FNBP1: variants seen among roughly 807,000 people sequenced by gnomAD.
The protein encoded by FNBP1 is formin binding protein 1.
Under a neutral mutation model 90.6 loss-of-function variants are expected in FNBP1, and 26 were observed. That is an observed-to-expected ratio of 0.29 (90% confidence interval 0.21 to 0.40). The LOEUF is 0.40. Ranked by LOEUF, FNBP1 falls within the 10% of genes least tolerant of loss-of-function variation. FNBP1 has a pLI of 1.00. For synonymous variants in FNBP1, 260 were observed against 265.2 expected (o/e 0.98, Z 0.19); for missense variants, 635 against 768.0 (o/e 0.83, Z 2.05).
intron 1 of FNBP1, among the ~76,000 whole-genome samples, chr9:130,030,000 A>T (rs2132120184): frequency 6.6e-6 from 1 of 152,160 alleles, no homozygotes; most frequent in East Asian, 1.9e-4. Flanking sequence ...AGATTCTTAC[A>T]CATAAAAAAA....
intron 1 of FNBP1, among the ~76,000 whole-genome samples, chr9:130,035,341 G>A (rs558409639): frequency 1.3e-5 from 2 of 152,274 alleles, no homozygotes; most frequent in East Asian, 1.9e-4. Context: ...TACAGAGGCC[G>A]AGCCATTTCT....
At chr9:130,006,378 TC>T (rs955459600) in intron 1 of FNBP1, among the ~76,000 whole-genome samples, 8 of 152,146 alleles carry the variant, frequency 5.3e-5, no homozygotes, top group African/African-American at 1.9e-4. Flanking sequence ...GCCTGTAGTC[TC>T]AGCTACTCTG....
intron 1 of FNBP1, chr9:130,014,106 G>GA (rs2056954509): frequency 4.4e-5 from 20 of 455,182 alleles, no homozygotes; most frequent in South Asian, 2.8e-4. Flanking sequence ...CATACAGGAT[G>GA]AAACTGTAAA....
chr9:129,915,520 C>A (rs369121004), intron 11 of FNBP1, among the ~76,000 whole-genome samples: 21 of 152,050 alleles, frequency 1.4e-4, no homozygotes, highest in Admixed American at 1.4e-3. Flanking sequence ...CACGCTGCCA[C>A]GCCCGGCTAA....
At chr9:129,926,750 G>A (rs929841481) in intron 8 of FNBP1, among the ~76,000 whole-genome samples, 1 of 37,454 alleles carries the variant, frequency 2.7e-5, no homozygotes, top group African/African-American at 8.0e-5. Flanking sequence ...AGCTGGGCGT[G>A]GTGCGGGCGC....
At chr9:129,977,474 A>T (rs539799942) in intron 4 of FNBP1, among the ~76,000 whole-genome samples, 1 of 135,272 alleles carries the variant, frequency 7.4e-6, no homozygotes, top group East Asian at 2.3e-4. Context: ...TGACCTACTT[A>T]CAAGCACTAA....
rs550198086 is a variant in FNBP1, at chr9:130,038,123, C to T, written c.24+4829G>A. On this transcript the variant is annotated intron_variant, in intron 1 of 16. Coordinates refer to ENST00000446176, the MANE Select transcript of FNBP1 (RefSeq NM_015033.3). Reference sequence around the variant, plus strand: ...TAATCCCAGCACTTTGGGAGGCCGACGTGGGCAGATCACGAGGTCAGGAAA... The same window carrying T: ...TAATCCCAGCACTTTGGGAGGCCGATGTGGGCAGATCACGAGGTCAGGAAA... Among the ~76,000 whole-genome samples, 839 of 151,812 alleles carry T rather than the reference C, an allele frequency of 5.5e-3. 10 individuals carry two copies. Among genetic ancestry groups the T allele is most frequent in the African/African-American group, 0.019 (782 of 41,432 alleles).
chr9:130,053,660 G>C, the FNBP1 span: 5 of 511,226 alleles, frequency 9.8e-6, no homozygotes, highest in Non-Finnish European at 1.7e-5. Flanking sequence ...GTGCGGCCCG[G>C]GCTGGTCTGG....
intron 1 of FNBP1, among the ~76,000 whole-genome samples, chr9:130,021,827 T>C (rs894014396): frequency 6.6e-6 from 1 of 152,222 alleles, no homozygotes; most frequent in African/African-American, 2.4e-5. Context: ...AATTAGCCCT[T>C]TGTCGTCTAA....
intron 7 of FNBP1, among the ~76,000 whole-genome samples, chr9:129,928,926 A>G (rs1437742121): frequency 2.0e-5 from 3 of 152,056 alleles, no homozygotes; most frequent in Non-Finnish European, 2.9e-5. Context: ...CCCTATCTCT[A>G]TAAAAAATTT....
chr9:130,050,040 T>C, the FNBP1 span, among the ~76,000 whole-genome samples: 1 of 152,196 alleles, frequency 6.6e-6, no homozygotes, highest in Non-Finnish European at 1.5e-5. Context: ...CAGGACCGCC[T>C]GCCTGAACTT....
chr9:129,963,737 C>T (rs2048178863), intron 4 of FNBP1, among the ~76,000 whole-genome samples: 1 of 151,938 alleles, frequency 6.6e-6, no homozygotes, highest in Non-Finnish European at 1.5e-5. Flanking sequence ...GCCTCAGCCT[C>T]CTGAGTAGCT....
chr9:129,893,612 C>CAAAAAAAAAAAAAAAAAAA lies in FNBP1; in HGVS notation c.1846+2207_1846+2225dup, dbSNP rs1216398298. ...TAGGTGACAGAGTGAGACTCTGTCTCAAAAAAAAAAAAAAAAAAAAAAAAA... is the reference window on the plus strand; with the variant it reads ...TAGGTGACAGAGTGAGACTCTGTCTCAAAAAAAAAAAAAAAAAAAAAAAAAAAAAAAAAAAAAAAAAAAA... On this transcript the variant is annotated intron_variant, in intron 16 of 16. Coordinates refer to ENST00000446176, the MANE Select transcript of FNBP1 (RefSeq NM_015033.3). Among the ~76,000 whole-genome samples, 19 of 22,314 alleles carry CAAAAAAAAAAAAAAAAAAA rather than the reference C, an allele frequency of 8.5e-4. 9 individuals carry two copies. The highest frequency in any genetic ancestry group is 1.4e-3 in the Admixed American group (2 of 1,410). 14.6% of individuals were successfully genotyped at this position (22,314 alleles called of 152,430 possible).
chr9:130,042,889 C>G lies in FNBP1; in HGVS notation c.24+63G>C. ...CAGCAGCGCGGCCCGCGCCCCCTCC[C>G]CAGGCCGCGGGGAAACGCAGCGCGC... On this transcript the variant is annotated intron_variant, in intron 1 of 16. Coordinates refer to ENST00000446176, the MANE Select transcript of FNBP1 (RefSeq NM_015033.3). This position sits in a 1 kb window ranked among gnomAD's most constrained non-coding sequence, Gnocchi z 5.5. 8.7e-7 allele frequency: 1 copy of G among 1,148,774 alleles called. No homozygotes were observed. The highest frequency in any genetic ancestry group is 1.1e-6 in the Non-Finnish European group (1 of 912,524). 71.2% of individuals were successfully genotyped at this position (1,148,774 alleles called of 1,614,324 possible).
At chr9:129,964,078 T>C (rs1266836373) in intron 4 of FNBP1, among the ~76,000 whole-genome samples, 1 of 152,220 alleles carries the variant, frequency 6.6e-6, no homozygotes, top group African/African-American at 2.4e-5. Context: ...TGTTTCTAGC[T>C]CTATCTTCGC....
intron 1 of FNBP1, among the ~76,000 whole-genome samples, chr9:130,005,562 T>C (rs758776454): frequency 4.6e-5 from 7 of 152,068 alleles, no homozygotes; most frequent in Admixed American, 2.0e-4. Context: ...AGGATGGTCT[T>C]GATCTCCCGA....
chr9:129,972,458 G>T (rs1453176699), intron 4 of FNBP1, among the ~76,000 whole-genome samples: 2 of 151,678 alleles, frequency 1.3e-5, no homozygotes, highest in African/African-American at 4.8e-5. Flanking sequence ...TTTTTAGAAA[G>T]GTCATTTTAA....
chr9:129,907,694 C>T (rs1431463356), intron 12 of FNBP1, among the ~76,000 whole-genome samples: 2 of 151,986 alleles, frequency 1.3e-5, no homozygotes, highest in Non-Finnish European at 2.9e-5. Context: ...CCCTCCTCCT[C>T]TATGGCATCT....
chr9:130,020,480 GATT>G (rs1393333019), intron 1 of FNBP1, among the ~76,000 whole-genome samples: 2 of 152,174 alleles, frequency 1.3e-5, no homozygotes, highest in Non-Finnish European at 2.9e-5. Context: ...AAAGTGCTGG[GATT>G]ACAGGAGTGA....
Sources: gnomAD v4.1 joint callset for allele counts (sites outside exome capture counted in the v4.1 genomes callset) on GRCh38, gnomAD v4.1.1 for gene constraint, Gnocchi (gnomAD v3.1) non-coding constraint, MANE v1.5 for transcripts, NCBI Gene and HGNC (gene_info 2026-07-23, HGNC 2026-07-21) for gene names.